Variants in CERS3 observed in about 807,000 individuals in gnomAD.
CERS3 encodes the protein ceramide synthase 3, also known as LAG1 homolog, ceramide synthase 3.
In CERS3, 33 loss-of-function variants were observed where a neutral mutation model predicts 50.3. That is an observed-to-expected ratio of 0.66 (90% confidence interval 0.50 to 0.88). The LOEUF (loss-of-function observed/expected upper bound fraction) is 0.88, where lower values mean the gene tolerates loss of function less well. Among genes scored for constraint, CERS3 ranks in the 40% least tolerant of loss-of-function variants. The pLI is 0.00. For synonymous variants in CERS3, 176 were observed against 155.2 expected, an observed-to-expected ratio of 1.13 and a Z score of -0.99; for missense variants, 470 against 460.3, an observed-to-expected ratio of 1.02 and a Z score of -0.19.
intron 2 of CERS3, among the ~76,000 whole-genome samples, chr15:100,517,554 G>A (rs562815408): frequency 1.3e-5 from 2 of 152,304 alleles, no homozygotes; most frequent in Non-Finnish European, 2.9e-5. Context: ...GATCAAGAAG[G>A]AATTTGGAAC....
intron 10 of CERS3, among the ~76,000 whole-genome samples, chr15:100,467,763 C>CTATATA (rs200506456): frequency 9.2e-5 from 11 of 119,598 alleles, no homozygotes; most frequent in Non-Finnish European, 1.8e-4. Flanking sequence ...CTCTCTCTCT[C>CTATATA]TCTCTCTATA....
intron 11 of CERS3, among the ~76,000 whole-genome samples, chr15:100,424,180 A>G (rs1052530671): frequency 6.6e-6 from 1 of 152,152 alleles, no homozygotes; most frequent in East Asian, 1.9e-4. Context: ...ACCTCAGGTG[A>G]TTTGTCTGCC....
intron 10 of CERS3, among the ~76,000 whole-genome samples, chr15:100,467,831 ATACG>A (rs2034815240): frequency 1.0e-5 from 1 of 98,206 alleles, no homozygotes; most frequent in Non-Finnish European, 2.1e-5. Context: ...GTGTATATAT[ATACG>A]TGTATATATA....
rs191506119 is a variant in CERS3 at position 100,404,767 on chromosome 15, G to C, written c.1000-1902C>G. Among the ~76,000 whole-genome samples the C allele has an allele frequency of 4.4e-3, 664 of 152,296 alleles. 1 individual carries two copies. Among genetic ancestry groups the C allele is most frequent in the Non-Finnish European group, 7.1e-3 (482 of 68,004 alleles). On this transcript the variant is annotated intron_variant, in intron 11 of 11. Coordinates refer to ENST00000679737, the MANE Select transcript of CERS3 (RefSeq NM_001378789.1). The stretch of plus-strand genomic sequence containing the variant: ...TCCAGACAGGGTGGTGTTCACAAAG[G>C]AATAAACATGCAGATCAGTGGAACA...
chr15:100,404,868 G>C (rs1421980086), intron 11 of CERS3, among the ~76,000 whole-genome samples: 1 of 152,180 alleles, frequency 6.6e-6, no homozygotes, highest in Non-Finnish European at 1.5e-5. Flanking sequence ...CAATTCAGTA[G>C]AGAAAGAACA....
At chr15:100,526,967 A>T (rs2036814193) in intron 1 of CERS3, among the ~76,000 whole-genome samples, 1 of 152,142 alleles carries the variant, frequency 6.6e-6, no homozygotes, top group Non-Finnish European at 1.5e-5. Context: ...TGTTATAATA[A>T]TTATTTTATA....
chr15:100,492,054 T>C (rs1423759669), intron 3 of CERS3, among the ~76,000 whole-genome samples: 1 of 152,178 alleles, frequency 6.6e-6, no homozygotes, highest in Non-Finnish European at 1.5e-5. Flanking sequence ...TATTTCATTG[T>C]GGTTGGAAAA....
At chr15:100,427,401 T>C (rs2032877089) in intron 11 of CERS3, among the ~76,000 whole-genome samples, 1 of 152,194 alleles carries the variant, frequency 6.6e-6, no homozygotes, top group African/African-American at 2.4e-5. Flanking sequence ...TGGAAATGAA[T>C]AACATTATCA....
chr15:100,450,287 A>G (rs1419101472), intron 11 of CERS3, among the ~76,000 whole-genome samples: 2 of 151,888 alleles, frequency 1.3e-5, no homozygotes, highest in African/African-American at 2.4e-5. Flanking sequence ...GGCATGTGGC[A>G]TGCACCGGTA....
At chr15:100,494,231 A>G (rs1010698447) in intron 3 of CERS3, among the ~76,000 whole-genome samples, 27 of 30,708 alleles carry the variant, frequency 8.8e-4, no homozygotes, top group East Asian at 7.6e-3. Context: ...ATATATATAT[A>G]TATATATATA....
In CERS3 at chr15:100,427,881, T is replaced by C. The variant is rs150236952; in HGVS notation, c.1000-25016A>G. 2.5e-3 allele frequency among the ~76,000 whole-genome samples: 379 copies of C among 152,292 alleles called. 1 individual carries two copies. Among genetic ancestry groups the C allele is most frequent in the Non-Finnish European group, 4.1e-3 (279 of 68,022 alleles). On this transcript the variant is annotated intron_variant, in intron 11 of 11. Coordinates refer to ENST00000679737, the MANE Select transcript of CERS3 (RefSeq NM_001378789.1). ...GCCACCCCCAGGATGGGAACAGTTT[T>C]ACTGAGTTAGACTCAGAAGGTAAAG...
intron 2 of CERS3, among the ~76,000 whole-genome samples, chr15:100,513,089 T>C (rs1040299427): frequency 3.3e-5 from 5 of 152,328 alleles, no homozygotes; most frequent in Non-Finnish European, 7.3e-5. Flanking sequence ...CAAGTTCCCT[T>C]TCGAGCCAGA....
At chr15:100,452,857 T>C (rs2034222762) in intron 11 of CERS3, among the ~76,000 whole-genome samples, 1 of 152,064 alleles carries the variant, frequency 6.6e-6, no homozygotes, top group Non-Finnish European at 1.5e-5. Context: ...TATCAGAAAC[T>C]ATAGTGAATA....
chr15:100,480,336 T>G (rs1458543415), intron 5 of CERS3, among the ~76,000 whole-genome samples: 1 of 152,116 alleles, frequency 6.6e-6, no homozygotes, highest in African/African-American at 2.4e-5. Flanking sequence ...TAAGCAACAA[T>G]AAATGGCAGC....
chr15:100,491,695 T>C (rs2035657325), intron 3 of CERS3, among the ~76,000 whole-genome samples: 1 of 152,212 alleles, frequency 6.6e-6, no homozygotes. Flanking sequence ...ATATAGGTGT[T>C]TGCAGCTGTA....
intron 2 of CERS3, among the ~76,000 whole-genome samples, chr15:100,507,886 T>C (rs1413931165): frequency 6.6e-6 from 1 of 152,260 alleles, no homozygotes; most frequent in Non-Finnish European, 1.5e-5. Context: ...CTCAGCTTCT[T>C]GGCTTTCCTG....
At chr15:100,420,585 G>C (rs1379838523) in intron 11 of CERS3, among the ~76,000 whole-genome samples, 6 of 151,760 alleles carry the variant, frequency 4.0e-5, no homozygotes, top group Non-Finnish European at 8.8e-5. Flanking sequence ...CATTTTATGA[G>C]GCCAGCATCA....
At chr15:100,530,992 G>A (rs1481730552), upstream of CERS3, among the ~76,000 whole-genome samples, 1 of 152,066 alleles carries the variant, frequency 6.6e-6, no homozygotes, top group Non-Finnish European at 1.5e-5. Flanking sequence ...GCTGCGGCAG[G>A]AGAATTCCTT....
intron 11 of CERS3, among the ~76,000 whole-genome samples, chr15:100,445,072 C>G (rs1042285126): frequency 6.7e-6 from 1 of 149,838 alleles, no homozygotes; most frequent in Non-Finnish European, 1.5e-5. Flanking sequence ...TTAAAAAGGA[C>G]TGGACAATAC....
Sources: gnomAD v4.1 joint callset for allele counts (sites outside exome capture counted in the v4.1 genomes callset) on GRCh38, gnomAD v4.1.1 for gene constraint, MANE v1.5 for transcripts, NCBI Gene and HGNC (gene_info 2026-07-23, HGNC 2026-07-21) for gene names.